The following USP25 variants were observed in gnomAD, a reference collection of about 807,000 sequenced individuals.
USP25 encodes the protein ubiquitin specific peptidase 25.
Under a neutral mutation model 158.5 loss-of-function variants are expected in USP25, and 85 were observed. The observed-to-expected ratio is 0.54, with a 90% CI of 0.45 to 0.64. The LOEUF is 0.64. Ranked by LOEUF, USP25 falls within the 30% of genes least tolerant of loss-of-function variation. The pLI, the probability that USP25 is intolerant of heterozygous loss-of-function variation, is 0.00. For synonymous variants in USP25, 464 were observed against 460.4 expected (o/e 1.01, Z -0.10); for missense variants, 1,242 against 1,327.3 (o/e 0.94, Z 1.00).
At chr21:15,855,274 A>G (rs2039081147) in intron 20 of USP25, among the ~76,000 whole-genome samples, 1 of 152,174 alleles carries the variant, frequency 6.6e-6, no homozygotes, top group Admixed American at 6.5e-5. Flanking sequence ...CTTCATAATA[A>G]TGGTGTCCCT....
chr21:15,772,824 ATCTT>A (rs1402532894), intron 3 of USP25, among the ~76,000 whole-genome samples: 2 of 152,112 alleles, frequency 1.3e-5, no homozygotes, highest in Non-Finnish European at 2.9e-5. Context: ...TATGTGAGGT[ATCTT>A]TCAGGATTGC....
chr21:15,814,194 T>C (rs1018648045), intron 9 of USP25, among the ~76,000 whole-genome samples: 1 of 150,500 alleles, frequency 6.6e-6, no homozygotes, highest in Non-Finnish European at 1.5e-5. Context: ...TTCCTCTTGC[T>C]GCTGCCATGT....
intron 22 of USP25, among the ~76,000 whole-genome samples, chr21:15,867,175 C>T (rs1452138356): frequency 1.3e-5 from 2 of 151,848 alleles, no homozygotes; most frequent in African/African-American, 4.8e-5. Context: ...ATTCATACAC[C>T]TAGTATTTCT....
Position 15,870,126 on chromosome 21 carries a change from T to G in USP25, c.2864T>G (p.Leu955Arg). The change falls in exon 23 of 26, where the codon CTA becomes CGA. Residue 955 changes from leucine (L) to arginine (R), a missense_variant. Physicochemically the swap from Leu to Arg is moderately radical, Grantham distance 102 (BLOSUM62 -2). Around this residue, in one of 3 missense-constraint regions of USP25, gnomAD observed 608 missense variants for 605.2 expected, o/e 1.00. Transcript: ENST00000400183. Reference protein sequence around the residue: ...RETTMYLIIGLENFQRESYID... With the variant: ...RETTMYLIIGRENFQRESYID... ...ACAACTATGTATCTCATAATTGGGC[T>G]AGAAAATTTTCAAAGAGAAAGGTAA... is the stretch of plus-strand genomic sequence containing the variant. 6.2e-7 allele frequency: 1 copy of G among 1,609,440 alleles called. No homozygotes were observed. Among genetic ancestry groups the G allele is most frequent in the Non-Finnish European group, 8.5e-7 (1 of 1,177,934 alleles).
chr21:15,778,140 GT>G (rs2123503185), intron 4 of USP25, 113 bp downstream of exon 4: 2 of 972,038 alleles, frequency 2.1e-6, no homozygotes, highest in African/African-American at 3.4e-5. Context: ...CTCTAAACTA[GT>G]AATATGCTTG....
At chr21:15,853,308 G>A (rs975906418) in intron 20 of USP25, among the ~76,000 whole-genome samples, 2 of 151,414 alleles carry the variant, frequency 1.3e-5, no homozygotes. Context: ...TGTACACACA[G>A]GTACACACAT....
chr21:15,780,575 C>T (rs1162109544), intron 4 of USP25, among the ~76,000 whole-genome samples: 2 of 152,240 alleles, frequency 1.3e-5, no homozygotes, highest in African/African-American at 2.4e-5. Context: ...ACAAAGAGCA[C>T]GCACCTTCAA....
At chr21:15,874,265 C>G in intron 23 of USP25, 138 bp from the exon 24 acceptor site, 1 of 737,706 alleles carries the variant, frequency 1.4e-6, no homozygotes, top group South Asian at 2.2e-5. Flanking sequence ...CAAGCATACA[C>G]TGCGTCAGAT....
chr21:15,835,342 A>T (rs994254154), intron 17 of USP25, among the ~76,000 whole-genome samples: 3 of 152,154 alleles, frequency 2.0e-5, no homozygotes, highest in African/African-American at 7.2e-5. Context: ...GAGTTAACAT[A>T]TTTTATTTCT....
intron 5 of USP25, among the ~76,000 whole-genome samples, chr21:15,795,044 A>C (rs2035793471): frequency 6.6e-6 from 1 of 151,498 alleles, no homozygotes; most frequent in Non-Finnish European, 1.5e-5. Context: ...TGTGGCACTA[A>C]AATGCTTAAA....
chr21:15,870,953 T>A (rs1455382540), intron 23 of USP25, among the ~76,000 whole-genome samples: 1 of 152,230 alleles, frequency 6.6e-6, no homozygotes, highest in Non-Finnish European at 1.5e-5. Context: ...CTAAAACTTT[T>A]AAAACCAAAG....
chr21:15,788,722 A>C (rs2035430332), intron 4 of USP25, among the ~76,000 whole-genome samples: 1 of 151,938 alleles, frequency 6.6e-6, no homozygotes, highest in Non-Finnish European at 1.5e-5. Context: ...TTTTTGCACC[A>C]CAATTCTACC....
intron 18 of USP25, among the ~76,000 whole-genome samples, chr21:15,844,592 A>T (rs957661665): frequency 6.6e-6 from 1 of 152,112 alleles, no homozygotes; most frequent in African/African-American, 2.4e-5. Context: ...GAAAGCGTAG[A>T]ATCATGGAAA....
intron 4 of USP25, among the ~76,000 whole-genome samples, chr21:15,786,707 A>G (rs1336547809): frequency 2.6e-5 from 4 of 152,146 alleles, no homozygotes; most frequent in African/African-American, 7.2e-5. Context: ...ACTAAGATCA[A>G]GAACCTAACA....
intron 18 of USP25, among the ~76,000 whole-genome samples, chr21:15,846,653 A>G (rs557260782): frequency 6.6e-6 from 1 of 152,290 alleles, no homozygotes; most frequent in South Asian, 2.1e-4. Flanking sequence ...TGTTTTTTGT[A>G]ATATCAAAAC....
In USP25 at chr21:15,859,200, T is replaced by G. The variant is rs577329218; in HGVS notation, c.2548-5068T>G. Among the ~76,000 whole-genome samples, 379 of 124,660 alleles carry G rather than the reference T, an allele frequency of 3.0e-3. 5 individuals are homozygous for G. The highest frequency in any genetic ancestry group is 0.012 in the Middle Eastern group (3 of 242). 81.8% of individuals were successfully genotyped at this position (124,660 alleles called of 152,430 possible). ...AGGCTTTCTCTTGTTTTGTTTTGTG[T>G]TTTTTTTTTTGAGACGGGGTCTCGC... On this transcript the variant is annotated intron_variant, in intron 20 of 25. Coordinates refer to ENST00000400183, the MANE Select transcript of USP25 (RefSeq NM_001283041.3).
Position 15,826,425 on chromosome 21 carries a change from G to A in USP25, c.1466+60G>A. On this transcript the variant is annotated intron_variant, in intron 13 of 25. Coordinates refer to ENST00000400183, the MANE Select transcript of USP25 (RefSeq NM_001283041.3). The surrounding 1 kb of genome is among the most constrained non-coding windows in gnomAD (Gnocchi z 4.8). The stretch of plus-strand genomic sequence containing the variant: ...ACCTTTATTACACAATAATGTAACT[G>A]CTGCCTTTAAAGACAGTTTCTATAA... The A allele has an allele frequency of 1.3e-6, 2 of 1,570,156 alleles. No individual in the cohort carries two copies. The highest frequency in any genetic ancestry group is 1.1e-5 in the South Asian group (1 of 87,216).
chr21:15,761,527 C>T (rs773159837), intron 1 of USP25, among the ~76,000 whole-genome samples: 13 of 152,116 alleles, frequency 8.5e-5, no homozygotes, highest in Non-Finnish European at 1.8e-4. Flanking sequence ...AGAGGCAAAA[C>T]GGTGGAGTTT....
chr21:15,873,544 C>G lies in USP25; in HGVS notation c.2886-859C>G, dbSNP rs112055314. Among the ~76,000 whole-genome samples, 1,372 of 151,976 alleles carry G rather than the reference C, an allele frequency of 9.0e-3. 16 individuals carry two copies. Among genetic ancestry groups the G allele is most frequent in the Non-Finnish European group, 0.014 (940 of 67,962 alleles). On this transcript the variant is annotated intron_variant, in intron 23 of 25. Transcript: ENST00000400183. ...GAGACGGAGTTTTGCTCTTGTTGCC[C>G]AGGCTGGAGTGCAGTGGCGTGATCT...
Sources: gnomAD v4.1 joint callset for allele counts (sites outside exome capture counted in the v4.1 genomes callset) on GRCh38, gnomAD v4.1.1 for gene constraint, gnomAD v4.1.1 regional missense constraint, Gnocchi (gnomAD v3.1) non-coding constraint, MANE v1.5 for transcripts, NCBI Gene and HGNC (gene_info 2026-07-23, HGNC 2026-07-21) for gene names.